ZFP64: variants seen among roughly 807,000 people sequenced by gnomAD.
ZFP64 encodes zinc finger protein 64.
Under a neutral mutation model 51.6 loss-of-function variants are expected in ZFP64, and 14 were observed. The ratio of observed to expected loss-of-function variants is 0.27; its 90% confidence interval spans 0.18 to 0.42. The LOEUF (loss-of-function observed/expected upper bound fraction) is 0.42, where lower values mean the gene tolerates loss of function less well. ZFP64 is among the 10% of genes least tolerant of loss of function. The pLI is 1.00. For synonymous variants in ZFP64, 375 were observed against 361.4 expected, an observed-to-expected ratio of 1.04 and a Z score of -0.43; for missense variants, 754 against 906.8, an observed-to-expected ratio of 0.83 and a Z score of 2.16.
chr20:52,179,134 A>C (rs958229744), intron 2 of ZFP64, among the ~76,000 whole-genome samples: 18 of 152,112 alleles, frequency 1.2e-4, no homozygotes, highest in African/African-American at 4.3e-4. Flanking sequence ...ATAGAGAATG[A>C]GTCTTATGAG....
In ZFP64 at chr20:52,161,450, C is replaced by CTT. The variant is rs11469696; in HGVS notation, c.512-1078_512-1077dup. Among the ~76,000 whole-genome samples the CTT allele has an allele frequency of 1.2e-3, 133 of 115,130 alleles. 2 individuals carry two copies. The highest frequency in any genetic ancestry group is 3.9e-3 in the African/African-American group (118 of 30,060). 75.5% of individuals were successfully genotyped at this position (115,130 alleles called of 152,430 possible). On this transcript the variant is annotated intron_variant, in intron 4 of 5. Coordinates refer to ENST00000216923, the MANE Select transcript of ZFP64 (RefSeq NM_018197.3). ...CCCAGGACCGTCTTGTGATTGCTTT[C>CTT]TTTTTTTTTTTTTTTTTTTTTGCCA...
At position 52,191,661 on chromosome 20, in the gene ZFP64, C is replaced by G; in HGVS notation, c.-25G>C. The G allele has an allele frequency of 2.5e-6, 4 of 1,575,214 alleles. No individual in the cohort carries two copies. The highest frequency in any genetic ancestry group is 3.4e-6 in the Non-Finnish European group (4 of 1,164,482). On this transcript the variant is annotated 5_prime_UTR_variant, in exon 1 of 6. Transcript: ENST00000216923. The surrounding 1 kb of genome is among the most constrained non-coding windows in gnomAD (Gnocchi z 4.3). ...TGGCCGCAGACTGGGAGGTCCCCGGCCGGCCGGGATGCCAAAGTGGGGGAC... is the reference window on the plus strand; with the variant it reads ...TGGCCGCAGACTGGGAGGTCCCCGGGCGGCCGGGATGCCAAAGTGGGGGAC...
chr20:52,142,819 G>T (rs1206997205), intron 5 of ZFP64, among the ~76,000 whole-genome samples: 9 of 105,576 alleles, frequency 8.5e-5, no homozygotes, highest in Non-Finnish European at 1.3e-4. Context: ...CACCCTGGGC[G>T]ACAGAGTGAG....
In ZFP64 at chr20:52,191,616, G is replaced by T; in HGVS notation, c.21C>A (p.Gly7=). The T allele has an allele frequency of 6.3e-7, 1 of 1,589,052 alleles. No homozygotes were observed. The highest frequency in any genetic ancestry group is 8.5e-7 in the Non-Finnish European group (1 of 1,170,554). ...TTTGCACCGAGCCCGCGAAGCTCTC[G>T]CCCTCGCTGCTCGCGTTCATGGCCG... is the stretch of plus-strand genomic sequence containing the variant. MNASSE[G]ESFAGSVQIP... The change falls in exon 1 of 6, where the codon GGC becomes GGA. Residue 7 remains glycine (G), a synonymous_variant. Transcript: ENST00000216923. The surrounding 1 kb of genome is among the most constrained non-coding windows in gnomAD (Gnocchi z 4.3).
chr20:52,114,447 G>A (rs1003248551), intron 5 of ZFP64, among the ~76,000 whole-genome samples: 1 of 152,150 alleles, frequency 6.6e-6, no homozygotes, highest in Admixed American at 6.5e-5. Context: ...TTGATGTACA[G>A]AGGAATCACC....
At chr20:52,167,399 AT>A (rs1428207095) in intron 2 of ZFP64, among the ~76,000 whole-genome samples, 1 of 152,062 alleles carries the variant, frequency 6.6e-6, no homozygotes, top group East Asian at 1.9e-4. Flanking sequence ...GCAGTCTCAA[AT>A]TTTTTTGTTG....
chr20:52,109,214 G>A (rs1322458884), intron 5 of ZFP64, among the ~76,000 whole-genome samples: 7 of 151,796 alleles, frequency 4.6e-5, no homozygotes, highest in Non-Finnish European at 1.0e-4. Context: ...GCAGTGGCAT[G>A]ATCTTGGCTC....
At chr20:52,180,659 C>T (rs1477226848) in intron 2 of ZFP64, among the ~76,000 whole-genome samples, 1 of 150,670 alleles carries the variant, frequency 6.6e-6, no homozygotes, top group Non-Finnish European at 1.5e-5. Flanking sequence ...GTTTTGTTTA[C>T]TTTCACAGCC....
intron 5 of ZFP64, among the ~76,000 whole-genome samples, chr20:52,136,829 T>C (rs2224227): frequency 0.19 from 29,442 of 152,118 alleles, 3,181 homozygotes; most frequent in Admixed American, 0.26. Flanking sequence ...TATAGTGGCG[T>C]GATCTCGGCT....
At chr20:52,092,789 T>A (rs747630560) in intron 7 of ZFP64, among the ~76,000 whole-genome samples, 10 of 152,068 alleles carry the variant, frequency 6.6e-5, no homozygotes, top group Non-Finnish European at 1.2e-4. Flanking sequence ...CAGGGAGACA[T>A]AAGTTGCAGT....
In ZFP64 at chr20:52,153,415, G is replaced by T; in HGVS notation, c.777C>A (p.Phe259Leu). 1 of 1,613,664 alleles carries T rather than the reference G, an allele frequency of 6.2e-7. No individual in the cohort carries two copies. The highest frequency in any genetic ancestry group is 8.5e-7 in the Non-Finnish European group (1 of 1,179,662). The part of the protein sequence containing the change: ...HLRSHTGDAP[F>L]QCWLCSAKFK... The stretch of plus-strand genomic sequence containing the variant: ...ACTTGGCGCTACAGAGCCAGCACTG[G>T]AAGGGGGCGTCCCCTGTCAACACAA... Residue 259 changes from phenylalanine (F) to leucine (L), a missense_variant, in exon 6 of 6, where the codon TTC (phenylalanine) becomes TTA (leucine). Physicochemically the swap from Phe to Leu is conservative, Grantham distance 22. This residue lies in a region of ZFP64 where 231 missense variants were observed against 336.7 expected (regional missense o/e 0.69). Transcript: ENST00000216923. The surrounding 1 kb of genome is among the most constrained non-coding windows in gnomAD (Gnocchi z 5.1).
At chr20:52,104,353 G>A (rs1474466944) in intron 5 of ZFP64, among the ~76,000 whole-genome samples, 2 of 152,304 alleles carry the variant, frequency 1.3e-5, no homozygotes, top group African/African-American at 4.8e-5. Flanking sequence ...ATGCTGCCCG[G>A]GGGGCTTAAG....
chr20:52,104,417 G>A (rs1382150724), intron 5 of ZFP64, among the ~76,000 whole-genome samples: 2 of 152,154 alleles, frequency 1.3e-5, no homozygotes, highest in East Asian at 1.9e-4. Context: ...CCGAGGAGGG[G>A]GTGTGGGGGC....
Position 52,110,754 on chromosome 20 carries a change from A to C in ZFP64, c.764-12167T>G, listed in dbSNP as rs1978517924. ...CCCCAGTACATGGGACTGGGTTCTC[A>C]AAGTCCCCCTCCCGGGAGAGGTAGA... On this transcript the variant is annotated intron_variant, in intron 5 of 8. Coordinates refer to the ZFP64 transcript ENST00000361387. The C allele has an allele frequency of 2.5e-6, 4 of 1,598,046 alleles. No homozygotes were observed. The South Asian group carries it at 4.4e-5, about 18-fold the overall frequency.
In ZFP64 at chr20:52,128,509, T is replaced by C. The variant is rs143731497; in HGVS notation, c.764-29922A>G. Among the ~76,000 whole-genome samples the C allele has an allele frequency of 1.8e-3, 269 of 152,252 alleles. 2 individuals are homozygous for C. The highest frequency in any genetic ancestry group is 6.2e-3 in the African/African-American group (259 of 41,544). ...ATCATACAGCTGGGATGAGAACAGA[T>C]TGATAAAGATGGACACATTTACAGT... On this transcript the variant is annotated intron_variant, in intron 5 of 8. Coordinates refer to the ZFP64 transcript ENST00000361387.
intron 1 of ZFP64, 146 bp from the exon 2 acceptor site, chr20:52,187,217 G>C: frequency 1.3e-6 from 1 of 766,502 alleles, no homozygotes; most frequent in Non-Finnish European, 2.0e-6. Flanking sequence ...CTCTTCCTGC[G>C]AACTGCATCC....
At chr20:52,131,711 G>T (rs923811546) in intron 5 of ZFP64, among the ~76,000 whole-genome samples, 4 of 152,206 alleles carry the variant, frequency 2.6e-5, no homozygotes, top group African/African-American at 9.6e-5. Context: ...GGAGCACCCA[G>T]ATATATAAAA....
chr20:52,107,080 C>T (rs981327043), intron 5 of ZFP64, among the ~76,000 whole-genome samples: 5 of 150,452 alleles, frequency 3.3e-5, no homozygotes, highest in Admixed American at 1.3e-4. Flanking sequence ...GAGTGAGACT[C>T]CATCTCAAAC....
chr20:52,168,032 T>C (rs1228545381), intron 2 of ZFP64, among the ~76,000 whole-genome samples: 6 of 152,188 alleles, frequency 3.9e-5, no homozygotes, highest in Non-Finnish European at 5.9e-5. Flanking sequence ...AGGTATTTTA[T>C]TTTATATTTA....
Sources: gnomAD v4.1 joint callset for allele counts (sites outside exome capture counted in the v4.1 genomes callset) on GRCh38, gnomAD v4.1.1 for gene constraint, gnomAD v4.1.1 regional missense constraint, Gnocchi (gnomAD v3.1) non-coding constraint, MANE v1.5 for transcripts, NCBI Gene and HGNC (gene_info 2026-07-23, HGNC 2026-07-21) for gene names.